The following PRR16 variants were observed in gnomAD, a reference collection of about 807,000 sequenced individuals.
The protein encoded by PRR16 is proline rich 16, also known as protein Largen.
In PRR16, 6 loss-of-function variants were observed where a neutral mutation model predicts 18.2. The ratio of observed to expected loss-of-function variants is 0.33; its 90% confidence interval spans 0.18 to 0.65. The LOEUF is 0.65. Ranked by LOEUF, PRR16 falls within the 30% of genes least tolerant of loss-of-function variation. The pLI, the probability that PRR16 is intolerant of heterozygous loss-of-function variation, is 0.74. For missense variants in PRR16, 412 were observed against 376.6 expected (o/e 1.09, Z -0.78); for synonymous variants, 151 against 147.8 (o/e 1.02, Z -0.16).
the PRR16 span, among the ~76,000 whole-genome samples, chr5:120,715,448 A>G: frequency 6.6e-6 from 1 of 152,220 alleles, no homozygotes; most frequent in Non-Finnish European, 1.5e-5. Context: ...CTATAATTGA[A>G]TGCTTCACAG....
the PRR16 span, among the ~76,000 whole-genome samples, chr5:120,709,359 T>C: frequency 6.6e-6 from 1 of 152,196 alleles, no homozygotes; most frequent in Non-Finnish European, 1.5e-5. Flanking sequence ...AAAACAATTA[T>C]ATGGATACAC....
chr5:120,787,633 C>G, the PRR16 span, among the ~76,000 whole-genome samples: 1 of 152,066 alleles, frequency 6.6e-6, no homozygotes, highest in Admixed American at 6.6e-5. Flanking sequence ...AAAACGATCT[C>G]TTAATTTAGG....
chr5:120,740,316 C>G, the PRR16 span, among the ~76,000 whole-genome samples: 1 of 152,114 alleles, frequency 6.6e-6, no homozygotes, highest in Non-Finnish European at 1.5e-5. Flanking sequence ...ATTCATAAAA[C>G]ATTTATATAG....
chr5:120,699,598 T>A, the PRR16 span, among the ~76,000 whole-genome samples: 1 of 152,134 alleles, frequency 6.6e-6, no homozygotes, highest in Non-Finnish European at 1.5e-5. Flanking sequence ...TTGGAAGTTA[T>A]GAGAACTGTA....
intron 1 of PRR16, among the ~76,000 whole-genome samples, chr5:120,661,849 G>A (rs186926903): frequency 6.6e-5 from 10 of 152,194 alleles, no homozygotes; most frequent in African/African-American, 1.4e-4. Context: ...AGGACTCGTA[G>A]TAGCTCCTTG....
At chr5:120,664,538 T>C (rs1468089779) in intron 1 of PRR16, among the ~76,000 whole-genome samples, 2 of 151,824 alleles carry the variant, frequency 1.3e-5, no homozygotes, top group Admixed American at 1.3e-4. Flanking sequence ...ACATGTGTCC[T>C]GTTGGTGTGC....
intron 1 of PRR16, among the ~76,000 whole-genome samples, chr5:120,653,061 A>T (rs763836600): frequency 3.9e-5 from 6 of 152,028 alleles, no homozygotes; most frequent in Non-Finnish European, 8.8e-5. Flanking sequence ...ATATTAATCT[A>T]TTTAGATAAA....
intron 1 of PRR16, among the ~76,000 whole-genome samples, chr5:120,584,526 G>A (rs970844261): frequency 6.6e-6 from 1 of 152,048 alleles, no homozygotes; most frequent in African/African-American, 2.4e-5. Flanking sequence ...TTTTATGAAT[G>A]CTATTTGAAA....
chr5:120,567,472 C>T (rs1479004875), intron 1 of PRR16, among the ~76,000 whole-genome samples: 2 of 152,228 alleles, frequency 1.3e-5, no homozygotes, highest in South Asian at 4.1e-4. Flanking sequence ...ATCATTATTA[C>T]AACTTCCTGT....
chr5:120,552,954 T>G (rs1752300387), intron 1 of PRR16, among the ~76,000 whole-genome samples: 1 of 151,840 alleles, frequency 6.6e-6, no homozygotes, highest in Admixed American at 6.6e-5. Flanking sequence ...TTATATGATC[T>G]TCACTAAATA....
chr5:120,598,668 G>A (rs1355315251), intron 1 of PRR16, among the ~76,000 whole-genome samples: 1 of 151,830 alleles, frequency 6.6e-6, no homozygotes, highest in Non-Finnish European at 1.5e-5. Context: ...TTATAAGGGA[G>A]AATATGTATG....
intron 1 of PRR16, among the ~76,000 whole-genome samples, chr5:120,472,402 C>T (rs983053577): frequency 1.1e-4 from 17 of 152,118 alleles, no homozygotes; most frequent in Admixed American, 4.6e-4. Flanking sequence ...AAATCAATTG[C>T]CTTCTAGCAT....
At chr5:120,667,319 A>G (rs1756422533) in intron 1 of PRR16, among the ~76,000 whole-genome samples, 1 of 144,948 alleles carries the variant, frequency 6.9e-6, no homozygotes, top group South Asian at 2.2e-4. Flanking sequence ...ATCATTTTTT[A>G]TTGTGTCTAT....
At chr5:120,640,312 A>AT (rs60921402) in intron 1 of PRR16, among the ~76,000 whole-genome samples, 149,742 of 152,194 alleles carry the variant, frequency 0.98, 73,697 homozygotes, top group East Asian at 1. Flanking sequence ...GTTGAAAAAA[A>AT]ATTCTCATGG....
At chr5:120,758,967 A>G in the PRR16 span, among the ~76,000 whole-genome samples, 2 of 140,398 alleles carry the variant, frequency 1.4e-5, no homozygotes, top group Non-Finnish European at 3.0e-5. Flanking sequence ...TTTTTGTACC[A>G]TAATTTCTTT....
chr5:120,536,269 A>G (rs1412646609), intron 1 of PRR16, among the ~76,000 whole-genome samples: 1 of 152,196 alleles, frequency 6.6e-6, no homozygotes, highest in African/African-American at 2.4e-5. Flanking sequence ...ACTGATTCCC[A>G]TAATGCTGGG....
chr5:120,758,404 A>C, the PRR16 span, among the ~76,000 whole-genome samples: 1 of 152,122 alleles, frequency 6.6e-6, no homozygotes, highest in Non-Finnish European at 1.5e-5. Flanking sequence ...CTCTTCAAGA[A>C]ATTGGAAAGT....
rs1750498338 is a variant in PRR16 at position 120,502,583 on chromosome 5, C to T, written c.159+37938C>T. ...CCGATACAGGAAGAGGCTCTGTGTGCTTAAAATGCAAGGCCATCTACTGTG... is the reference window on the plus strand; with the variant it reads ...CCGATACAGGAAGAGGCTCTGTGTGTTTAAAATGCAAGGCCATCTACTGTG... On this transcript the variant is annotated intron_variant, in intron 1 of 1. Coordinates refer to ENST00000407149, the MANE Select transcript of PRR16 (RefSeq NM_001300783.2). 2.0e-5 allele frequency among the ~76,000 whole-genome samples: 3 copies of T among 152,090 alleles called. No homozygotes were observed. In the South Asian group the frequency reaches 6.2e-4, roughly 32 times the overall value.
At chr5:120,713,324 A>G in the PRR16 span, among the ~76,000 whole-genome samples, 1 of 152,178 alleles carries the variant, frequency 6.6e-6, no homozygotes, top group Non-Finnish European at 1.5e-5. Context: ...GTATATCTAT[A>G]ATCTGTACAT....
Sources: allele counts gnomAD v4.1 joint callset (sites outside exome capture counted in the v4.1 genomes callset), GRCh38; gene constraint gnomAD v4.1.1; transcripts MANE v1.5; gene names NCBI Gene and HGNC (gene_info 2026-07-23, HGNC 2026-07-21).